IL20RB: variants seen among roughly 807,000 people sequenced by gnomAD.
IL20RB encodes interleukin 20 receptor subunit beta.
Under a neutral mutation model 33.3 loss-of-function variants are expected in IL20RB, and 21 were observed. The ratio of observed to expected loss-of-function variants is 0.63; its 90% CI spans 0.45 to 0.91. IL20RB has a LOEUF of 0.91. Ranked by LOEUF, IL20RB falls within the 40% of genes least tolerant of loss-of-function variation. The probability of loss-of-function intolerance (pLI) is 0.00; values close to 1 mark genes in which losing one functional copy is unlikely to be tolerated. For synonymous variants in IL20RB, 147 were observed against 146.8 expected, an observed-to-expected ratio of 1.00 and a Z score of -0.01; for missense variants, 345 against 384.8, an observed-to-expected ratio of 0.90 and a Z score of 0.86.
intron 1 of IL20RB, chr3:136,980,226 C>A: frequency 1.9e-6 from 1 of 523,256 alleles, no homozygotes; most frequent in Non-Finnish European, 3.4e-6. Flanking sequence ...TGGTGGTACC[C>A]AAAATTTAGT....
intron 1 of IL20RB, among the ~76,000 whole-genome samples, chr3:136,971,673 T>C (rs769909786): frequency 8.5e-5 from 13 of 152,370 alleles, no homozygotes; most frequent in Middle Eastern, 6.8e-3. Flanking sequence ...CCTTTCTTTT[T>C]ATGACTGAAT....
chr3:136,962,131 G>A (rs1351090747), intron 1 of IL20RB, among the ~76,000 whole-genome samples: 1 of 152,132 alleles, frequency 6.6e-6, no homozygotes, highest in African/African-American at 2.4e-5. Context: ...GAACATCACA[G>A]CAATAATTAT....
intron 6 of IL20RB, among the ~76,000 whole-genome samples, chr3:136,996,251 A>G (rs558406933): frequency 5.3e-5 from 8 of 152,214 alleles, no homozygotes; most frequent in African/African-American, 1.9e-4. Context: ...GGCCTCCAAC[A>G]GCTCCCCCAT....
rs1019359996 is a variant in IL20RB, at chr3:137,006,352, C to A, written c.826-3761C>A. Among the ~76,000 whole-genome samples, 4 of 152,294 alleles carry A rather than the reference C, an allele frequency of 2.6e-5. No homozygotes were observed. In the South Asian group the frequency reaches 6.2e-4, roughly 24 times the overall value. ...GGAAGTTCTCCTGGATAATATCCTG[C>A]AGAGTGTTTTCCAACTTGGTTCCAT... On this transcript the variant is annotated intron_variant, in intron 6 of 6. Coordinates refer to ENST00000329582, the MANE Select transcript of IL20RB (RefSeq NM_144717.4).
chr3:136,978,271 G>A (rs992948605), intron 1 of IL20RB, among the ~76,000 whole-genome samples: 1 of 150,438 alleles, frequency 6.6e-6, no homozygotes, highest in Non-Finnish European at 1.5e-5. Context: ...GTTCAAGCAA[G>A]TCTCCTGCCT....
At chr3:136,966,240 TC>T (rs1941348571) in intron 1 of IL20RB, among the ~76,000 whole-genome samples, 1 of 132,712 alleles carries the variant, frequency 7.5e-6, no homozygotes. Flanking sequence ...TCCCTCTTTT[TC>T]TATTGATTGG....
intron 6 of IL20RB, among the ~76,000 whole-genome samples, chr3:137,000,093 A>T (rs975243342): frequency 6.6e-6 from 1 of 152,186 alleles, no homozygotes; most frequent in Non-Finnish European, 1.5e-5. Flanking sequence ...ACAATATGTT[A>T]TAGAGATTTT....
intron 1 of IL20RB, among the ~76,000 whole-genome samples, chr3:136,971,960 G>A (rs1178661034): frequency 1.3e-5 from 2 of 152,114 alleles, no homozygotes; most frequent in Non-Finnish European, 2.9e-5. Flanking sequence ...CCAACAGTGT[G>A]TAAGAGTTCC....
chr3:136,978,258 CAG>C (rs1941677803), intron 1 of IL20RB, among the ~76,000 whole-genome samples: 1 of 151,470 alleles, frequency 6.6e-6, no homozygotes, highest in African/African-American at 2.4e-5. Context: ...CTCCGTCTCC[CAG>C]GTTCAAGCAA....
chr3:136,989,664 C>G, intron 4 of IL20RB, 99 bp downstream of exon 4: 1 of 1,390,080 alleles, frequency 7.2e-7, no homozygotes. Flanking sequence ...ACTGGGTGAC[C>G]TGGGGATGAG....
chr3:136,980,283 A>T (rs775129515), intron 1 of IL20RB, 183 bp from the exon 2 acceptor site: 2 of 627,268 alleles, frequency 3.2e-6, no homozygotes, highest in East Asian at 5.8e-5. Flanking sequence ...GTTTATAAAC[A>T]TGTGAGGCTT....
chr3:136,963,145 G>A (rs1466134561), intron 1 of IL20RB, among the ~76,000 whole-genome samples: 1 of 152,084 alleles, frequency 6.6e-6, no homozygotes, highest in Non-Finnish European at 1.5e-5. Flanking sequence ...TCCTTCTGGA[G>A]GTTTTAGAGA....
At chr3:136,995,379 T>G (rs1377378667) in intron 5 of IL20RB, 35 bp from the exon 6 acceptor site, 4 of 1,610,350 alleles carry the variant, frequency 2.5e-6, no homozygotes. Context: ...TCTTTGCTGC[T>G]GTTTTCTAAG....
At chr3:136,983,112 G>C (rs951708559) in intron 3 of IL20RB, among the ~76,000 whole-genome samples, 1 of 151,682 alleles carries the variant, frequency 6.6e-6, no homozygotes, top group Admixed American at 6.6e-5. Flanking sequence ...TTTTGATACG[G>C]AGTCTCACTC....
intron 1 of IL20RB, among the ~76,000 whole-genome samples, chr3:136,976,686 C>T (rs1319465169): frequency 6.6e-6 from 1 of 152,232 alleles, no homozygotes; most frequent in Non-Finnish European, 1.5e-5. Context: ...GCCCCAGTCT[C>T]AGCAGCAATA....
intron 6 of IL20RB, among the ~76,000 whole-genome samples, chr3:137,000,386 A>G (rs1403028463): frequency 1.3e-5 from 2 of 152,154 alleles, no homozygotes; most frequent in African/African-American, 4.8e-5. Context: ...CTTACTTTCT[A>G]ACTTCTGTGT....
chr3:136,996,665 A>G lies in IL20RB; in HGVS notation c.825+1109A>G, dbSNP rs151228855. ...TCCCTTCTTTCCCATACTTCCAGGT[A>G]GTCATAACGATGTTAGCTGATACTA... On this transcript the variant is annotated intron_variant, in intron 6 of 6. Coordinates refer to ENST00000329582, the MANE Select transcript of IL20RB (RefSeq NM_144717.4). Among the ~76,000 whole-genome samples the G allele has an allele frequency of 8.5e-4, 129 of 152,318 alleles. 1 individual carries two copies. Among genetic ancestry groups the G allele is most frequent in the African/African-American group, 3.0e-3 (126 of 41,568 alleles).
chr3:136,974,510 C>T (rs1182680373), intron 1 of IL20RB, among the ~76,000 whole-genome samples: 4 of 152,146 alleles, frequency 2.6e-5, no homozygotes, highest in Non-Finnish European at 4.4e-5. Flanking sequence ...GAGAAATCCA[C>T]TGATGGGGTT....
chr3:136,983,306 T>C (rs916030768), intron 3 of IL20RB, among the ~76,000 whole-genome samples: 8 of 152,184 alleles, frequency 5.3e-5, no homozygotes, highest in East Asian at 1.9e-4. Flanking sequence ...CAGGCTGGTC[T>C]GGAACTCCTG....
Sources: gnomAD v4.1 joint callset for allele counts (sites outside exome capture counted in the v4.1 genomes callset) on GRCh38, gnomAD v4.1.1 for gene constraint, MANE v1.5 for transcripts, NCBI Gene and HGNC (gene_info 2026-07-23, HGNC 2026-07-21) for gene names.